PES1: variants seen among roughly 807,000 people sequenced by gnomAD.
The protein encoded by PES1 is pescadillo ribosomal biogenesis factor 1.
Under a neutral mutation model 77.1 loss-of-function variants are expected in PES1, and 31 were observed. The observed-to-expected ratio is 0.40, with a 90% CI of 0.30 to 0.54. The LOEUF is 0.54. Ranked by LOEUF, PES1 falls within the 20% of genes least tolerant of loss-of-function variation. The pLI, the probability that PES1 is intolerant of heterozygous loss-of-function variation, is 0.45. For synonymous variants in PES1, 282 were observed against 303.0 expected (o/e 0.93, Z 0.72); for missense variants, 658 against 771.7 (o/e 0.85, Z 1.75).
At chr22:30,603,624 C>A (rs918061158) in intron 2 of PES1, among the ~76,000 whole-genome samples, 4 of 152,104 alleles carry the variant, frequency 2.6e-5, no homozygotes, top group African/African-American at 9.7e-5. Flanking sequence ...TCAGGTGATC[C>A]ACCCGCCTCG....
At chr22:30,599,415 T>G (rs1362728229) in intron 2 of PES1, among the ~76,000 whole-genome samples, 1 of 152,206 alleles carries the variant, frequency 6.6e-6, no homozygotes, top group African/African-American at 2.4e-5. Flanking sequence ...TGTGTGATTT[T>G]TTGATAAATA....
Position 30,579,887 on chromosome 22 carries a change from G to C in PES1, c.1218C>G (p.Leu406=), listed in dbSNP as rs759667615. 78 of 1,614,044 alleles carry C rather than the reference G, an allele frequency of 4.8e-5. No homozygotes were observed. The East Asian group carries it at 1.3e-3, about 27-fold the overall frequency. Reference sequence around the variant, plus strand: ...AGAAGTACTCTGCCACGGGGAGAAGGAGCCTGGCGTTCACTGAGTCAAACA... The same window carrying C: ...AGAAGTACTCTGCCACGGGGAGAAGCAGCCTGGCGTTCACTGAGTCAAACA... The part of the protein sequence containing the change: ...QWVFDSVNAR[L]LLPVAEYFSG... The change falls in exon 12 of 15, where the codon CTC becomes CTG. Residue 406 remains leucine, a synonymous_variant. Coordinates refer to ENST00000354694, the MANE Select transcript of PES1 (RefSeq NM_014303.4).
At chr22:30,583,547 C>T (rs182522819) in intron 6 of PES1, among the ~76,000 whole-genome samples, 13 of 152,274 alleles carry the variant, frequency 8.5e-5, no homozygotes, top group Middle Eastern at 3.4e-3. Flanking sequence ...GGCCCACCTG[C>T]GGGGCACTAG....
Position 30,579,895 on chromosome 22 carries a change from C to T in PES1, c.1210G>A (p.Ala404Thr), listed in dbSNP as rs147644381. 72 of 1,614,130 alleles carry T rather than the reference C, an allele frequency of 4.5e-5. No individual in the cohort carries two copies. In the African/African-American group the frequency reaches 7.9e-4, roughly 18 times the overall value. Residue 404 changes from alanine (A) to threonine (T), a missense_variant, in exon 12 of 15, where the codon GCC (alanine) becomes ACC (threonine). Physicochemically the swap from Ala to Thr is moderately conservative, Grantham distance 58. Coordinates refer to ENST00000354694, the MANE Select transcript of PES1 (RefSeq NM_014303.4). ...QPQWVFDSVN[A>T]RLLLPVAEYF... ...TCTGCCACGGGGAGAAGGAGCCTGG[C>T]GTTCACTGAGTCAAACACCCACTGG...
upstream of PES1, among the ~76,000 whole-genome samples, chr22:30,596,076 C>T (rs1022606557): frequency 1.3e-5 from 2 of 152,178 alleles, no homozygotes; most frequent in African/African-American, 2.4e-5. Context: ...CATTTTTAAA[C>T]TGGTGGGCAA....
intron 12 of PES1, chr22:30,579,532 T>G (rs1250569480): frequency 1.4e-6 from 1 of 712,280 alleles, no homozygotes; most frequent in Non-Finnish European, 2.3e-6. Flanking sequence ...TAAACTCTGA[T>G]GACAATGCAG....
intron 2 of PES1, chr22:30,603,851 T>TAA (rs1042360126): frequency 6.6e-6 from 1 of 152,190 alleles, no homozygotes. Context: ...CAAGTCAGCC[T>TAA]AAAACCACCA....
intron 8 of PES1, 43 bp from the exon 9 acceptor site, chr22:30,581,144 C>A: frequency 6.6e-7 from 1 of 1,521,490 alleles, no homozygotes; most frequent in Non-Finnish European, 9.0e-7. Context: ...GGACCTCATG[C>A]GGGCATGTGG....
At chr22:30,580,733 C>G (rs761542093) in intron 9 of PES1, 32 bp from the exon 10 acceptor site, 1 of 1,611,068 alleles carries the variant, frequency 6.2e-7, no homozygotes, top group Non-Finnish European at 8.5e-7. Flanking sequence ...CTCGCACCAC[C>G]AGGGCTGCCC....
At chr22:30,602,756 T>C (rs1277175952) in intron 2 of PES1, among the ~76,000 whole-genome samples, 1 of 152,194 alleles carries the variant, frequency 6.6e-6, no homozygotes, top group African/African-American at 2.4e-5. Context: ...TTGTGTTTCA[T>C]AGTTAGGTCT....
chr22:30,580,036 G>A lies in PES1; in HGVS notation c.1169+17C>T, dbSNP rs779535480. 5 of 1,613,036 alleles carry A rather than the reference G, an allele frequency of 3.1e-6. 1 individual carries two copies. The African/African-American group carries it at 6.7e-5, about 22-fold the overall frequency. On this transcript the variant is annotated intron_variant, in intron 11 of 14. Coordinates refer to ENST00000354694, the MANE Select transcript of PES1 (RefSeq NM_014303.4). The stretch of plus-strand genomic sequence containing the variant: ...CAGGATACCCAGAAATCCGGACGAG[G>A]ACCCTTGAGGGCCTACCTGCCAATG...
At position 30,581,427 on chromosome 22, in the gene PES1, G is replaced by A. The variant is rs773789401; in HGVS notation, c.748-19C>T. The A allele has an allele frequency of 2.5e-6, 4 of 1,613,310 alleles. No homozygotes were observed. The South Asian group carries it at 4.4e-5, about 18-fold the overall frequency. ...CCTCGAGCTAGTAGGCAAAGGGAAG[G>A]TCAGGAGGCAGAGGACAGCCACAGC... On this transcript the variant is annotated intron_variant, in intron 7 of 14. Coordinates refer to ENST00000354694, the MANE Select transcript of PES1 (RefSeq NM_014303.4).
chr22:30,581,362 T>C lies in PES1; in HGVS notation c.794A>G (p.Tyr265Cys), dbSNP rs766462079. The change falls in exon 8 of 15, where the codon TAC becomes TGC. Residue 265 changes from tyrosine (Y) to cysteine (C), a missense_variant. Physicochemically the swap from Tyr to Cys is radical, Grantham distance 194. Transcript: ENST00000354694. ...CATACAACTCTCGGAGTCCAACGCGTAGGTGCCCTCACCGGCCTTTGCCTC... is the reference window on the plus strand; with the variant it reads ...CATACAACTCTCGGAGTCCAACGCGCAGGTGCCCTCACCGGCCTTTGCCTC... ...QAEAKAGEGT[Y>C]ALDSESCMEK... is the part of the protein sequence containing the mutation. The C allele has an allele frequency of 4.7e-5, 76 of 1,613,712 alleles. No individual in the cohort carries two copies. The highest frequency in any genetic ancestry group is 6.4e-5 in the Non-Finnish European group (76 of 1,180,032).
At chr22:30,603,422 C>G (rs773876288) in intron 2 of PES1, among the ~76,000 whole-genome samples, 3 of 150,616 alleles carry the variant, frequency 2.0e-5, no homozygotes, top group Non-Finnish European at 4.4e-5. Context: ...TGCTCTGTCA[C>G]CCAGGCTGGA....
chr22:30,605,443 G>A (rs773056642), intron 2 of PES1: 39 of 985,166 alleles, frequency 4.0e-5, no homozygotes, highest in Admixed American at 6.2e-5. Flanking sequence ...TCTCTGGAAG[G>A]ATGCTGCTGC....
upstream of PES1, chr22:30,592,430 C>T: frequency 1.0e-6 from 1 of 985,224 alleles, no homozygotes; most frequent in Non-Finnish European, 1.2e-6. Context: ...CATTTTTCCT[C>T]GCGGAGGTAT....
intron 11 of PES1, 57 bp from the exon 12 acceptor site, chr22:30,579,992 C>T: frequency 6.2e-7 from 1 of 1,611,184 alleles, no homozygotes; most frequent in South Asian, 1.1e-5. Context: ...GGTCCTGCTG[C>T]ATCGCAGGGC....
chr22:30,584,725 G>A lies in PES1; in HGVS notation c.369-8C>T. The stretch of plus-strand genomic sequence containing the variant: ...TCGATGAACGTGGGATACCTGCATG[G>A]CCAGTGAGGCAGCACATGGGGCCTG... On this transcript the variant is annotated splice_region_variant and splice_polypyrimidine_tract_variant and intron_variant, in intron 4 of 14. Transcript: ENST00000354694. The A allele has an allele frequency of 6.2e-7, 1 of 1,613,132 alleles. No homozygotes were observed. Among genetic ancestry groups the A allele is most frequent in the Non-Finnish European group, 8.5e-7 (1 of 1,179,882 alleles).
intron 2 of PES1, among the ~76,000 whole-genome samples, chr22:30,602,521 C>A (rs1359792856): frequency 1.3e-5 from 2 of 150,776 alleles, no homozygotes; most frequent in African/African-American, 4.9e-5. Flanking sequence ...CATGTCCGGC[C>A]TCTTTTTTCT....
Sources: allele counts gnomAD v4.1 joint callset (sites outside exome capture counted in the v4.1 genomes callset), GRCh38; gene constraint gnomAD v4.1.1; transcripts MANE v1.5; gene names NCBI Gene and HGNC (gene_info 2026-07-23, HGNC 2026-07-21).